Variants in ZSWIM5 observed in about 807,000 individuals in gnomAD.
ZSWIM5 encodes the protein zinc finger SWIM domain-containing protein 5.
In ZSWIM5, 55 loss-of-function variants were observed where a neutral mutation model predicts 119.6. That is an observed-to-expected ratio of 0.46 (90% CI 0.37 to 0.58). ZSWIM5 has a LOEUF of 0.58. Ranked by LOEUF, ZSWIM5 falls within the 20% of genes least tolerant of loss-of-function variation. The pLI, the probability that ZSWIM5 is intolerant of heterozygous loss-of-function variation, is 0.00. For missense variants in ZSWIM5, 1,193 were observed against 1,512.8 expected (o/e 0.79, Z 3.51); for synonymous variants, 537 against 606.9 (o/e 0.88, Z 1.69).
In ZSWIM5 at chr1:45,018,006, C is replaced by G. The variant is rs1359242585; in HGVS notation, c.*448G>C. On this transcript the variant is annotated 3_prime_UTR_variant, in exon 14 of 14. Transcript: ENST00000359600. The surrounding 1 kb of genome is among the most constrained non-coding windows in gnomAD (Gnocchi z 6.7). ...CATATCCTCCTACCCACAGCTACTT[C>G]AAGTGCCCATCAAATCAGAAGCAGA... The G allele has an allele frequency of 5.9e-6, 1 of 170,764 alleles. No individual in the cohort carries two copies. The highest frequency in any genetic ancestry group is 1.3e-5 in the Non-Finnish European group (1 of 78,528). The allele number at this position is 170,764 out of a possible 1,614,324, so 10.6% of individuals were successfully genotyped here.
chr1:45,119,894 C>A (rs924816926), intron 1 of ZSWIM5, among the ~76,000 whole-genome samples: 4 of 152,206 alleles, frequency 2.6e-5, no homozygotes. Context: ...GTTCTACCGA[C>A]AAAATTATCT....
intron 1 of ZSWIM5, among the ~76,000 whole-genome samples, chr1:45,136,219 G>A (rs571909066): frequency 6.6e-6 from 1 of 151,988 alleles, no homozygotes; most frequent in Non-Finnish European, 1.5e-5. Flanking sequence ...AAATATTGAA[G>A]TTCACAACAG....
At chr1:45,139,958 T>G (rs1008512907) in intron 1 of ZSWIM5, among the ~76,000 whole-genome samples, 1 of 152,182 alleles carries the variant, frequency 6.6e-6, no homozygotes, top group African/African-American at 2.4e-5. Context: ...TAAATTCAAA[T>G]GACTTCATTT....
At chr1:45,069,000 G>A (rs1645203382) in intron 2 of ZSWIM5, among the ~76,000 whole-genome samples, 1 of 150,670 alleles carries the variant, frequency 6.6e-6, no homozygotes, top group African/African-American at 2.4e-5. Flanking sequence ...TTGTAGAGAT[G>A]GGGACCTTAC....
chr1:45,168,547 C>A (rs537299750), intron 1 of ZSWIM5, among the ~76,000 whole-genome samples: 2 of 150,074 alleles, frequency 1.3e-5, no homozygotes, highest in Non-Finnish European at 3.0e-5. Flanking sequence ...TGCCTGTAAT[C>A]CCAGCTACTC....
chr1:45,080,397 T>C (rs1357827168), intron 2 of ZSWIM5, among the ~76,000 whole-genome samples: 2 of 152,144 alleles, frequency 1.3e-5, no homozygotes. Flanking sequence ...GGTTTTGTTT[T>C]CTGTTATAAT....
intron 2 of ZSWIM5, chr1:45,070,408 G>T (rs1476622086): frequency 2.1e-6 from 3 of 1,406,460 alleles, no homozygotes; most frequent in African/African-American, 2.8e-5. Context: ...ACAAAGAACG[G>T]GACATGGTAC....
At chr1:45,097,569 A>C (rs1168599015) in intron 1 of ZSWIM5, among the ~76,000 whole-genome samples, 1 of 152,216 alleles carries the variant, frequency 6.6e-6, no homozygotes, top group Non-Finnish European at 1.5e-5. Flanking sequence ...GATTTGCCCT[A>C]ATCTTATTGC....
At position 45,034,606 on chromosome 1, in the gene ZSWIM5, T is replaced by C. The variant is rs114245630; in HGVS notation, c.2292-137A>G. On this transcript the variant is annotated intron_variant, in intron 10 of 13. Coordinates refer to ENST00000359600, the MANE Select transcript of ZSWIM5 (RefSeq NM_020883.2). ...TAAGAGCTTTGAAGGTTTTTAAACC[T>C]ATGGTACTATACACTATATGAGGTG... 3.0e-3 allele frequency: 3,037 copies of C among 1,006,774 alleles called. 8 individuals carry two copies. The highest frequency in any genetic ancestry group is 3.6e-3 in the Non-Finnish European group (2,510 of 705,222). The allele number at this position is 1,006,774 out of a possible 1,614,324, so 62.4% of individuals were successfully genotyped here.
intron 2 of ZSWIM5, among the ~76,000 whole-genome samples, chr1:45,082,128 A>G (rs1645296863): frequency 6.7e-6 from 1 of 149,452 alleles, no homozygotes; most frequent in Admixed American, 6.7e-5. Flanking sequence ...GCTTGAAGGC[A>G]GCATGCTCAT....
intron 2 of ZSWIM5, among the ~76,000 whole-genome samples, chr1:45,079,196 T>G (rs1342251270): frequency 2.0e-5 from 3 of 151,872 alleles, no homozygotes; most frequent in African/African-American, 7.3e-5. Context: ...TGATTGTAAT[T>G]TTCCACTACC....
chr1:45,061,855 C>T (rs1288964297), intron 2 of ZSWIM5, among the ~76,000 whole-genome samples: 1 of 150,342 alleles, frequency 6.7e-6, no homozygotes, highest in Non-Finnish European at 1.5e-5. Context: ...CTTTGGGAGG[C>T]TGAGGCAGGT....
At chr1:45,040,650 C>A in intron 6 of ZSWIM5, 112 bp from the exon 7 acceptor site, 1 of 831,080 alleles carries the variant, frequency 1.2e-6, no homozygotes. Context: ...CAACCTGACA[C>A]CTACTGTATA....
intron 1 of ZSWIM5, among the ~76,000 whole-genome samples, chr1:45,089,967 A>G (rs915403415): frequency 3.9e-5 from 6 of 152,264 alleles, no homozygotes; most frequent in African/African-American, 1.4e-4. Flanking sequence ...TCTGGACTAC[A>G]CACTGTGAAC....
Position 45,057,080 on chromosome 1 carries a change from T to C in ZSWIM5, c.1252+1529A>G, listed in dbSNP as rs1366998866. ...AGCATGAATGCACTGTGTTCTAGTG[T>C]CTAACCTAATAAGCCTTCTCTAAGT... On this transcript the variant is annotated intron_variant, in intron 4 of 13. Transcript: ENST00000359600. This position sits in a 1 kb window ranked among gnomAD's most constrained non-coding sequence, Gnocchi z 4.7. 6.6e-6 allele frequency among the ~76,000 whole-genome samples: 1 copy of C among 152,224 alleles called. No homozygotes were observed. Among genetic ancestry groups the C allele is most frequent in the Non-Finnish European group, 1.5e-5 (1 of 68,044 alleles).
chr1:45,021,607 A>T (rs914281168), intron 11 of ZSWIM5, among the ~76,000 whole-genome samples: 2 of 152,242 alleles, frequency 1.3e-5, no homozygotes, highest in Non-Finnish European at 2.9e-5. Flanking sequence ...ATAAAACAAA[A>T]AGTAGGCCTT....
At chr1:45,117,919 A>G (rs540649970) in intron 1 of ZSWIM5, among the ~76,000 whole-genome samples, 1 of 152,344 alleles carries the variant, frequency 6.6e-6, no homozygotes, top group Non-Finnish European at 1.5e-5. Flanking sequence ...TGAGGGTTGC[A>G]TCTGAAAATA....
At chr1:45,154,335 C>G (rs758636141) in intron 1 of ZSWIM5, among the ~76,000 whole-genome samples, 6 of 152,238 alleles carry the variant, frequency 3.9e-5, no homozygotes, top group Non-Finnish European at 8.8e-5. Flanking sequence ...ACCACATTAC[C>G]TGATTTCAAA....
chr1:45,180,272 G>C (rs1297400541), intron 1 of ZSWIM5, among the ~76,000 whole-genome samples: 1 of 152,184 alleles, frequency 6.6e-6, no homozygotes, highest in African/African-American at 2.4e-5. Flanking sequence ...CGGCACACCA[G>C]GAGATTATAT....
Sources: gnomAD v4.1 joint callset for allele counts (sites outside exome capture counted in the v4.1 genomes callset) on GRCh38, gnomAD v4.1.1 for gene constraint, Gnocchi (gnomAD v3.1) non-coding constraint, MANE v1.5 for transcripts, NCBI Gene and HGNC (gene_info 2026-07-23, HGNC 2026-07-21) for gene names.